CPEB3: variants seen among roughly 807,000 people sequenced by gnomAD.
CPEB3 encodes cytoplasmic polyadenylation element-binding protein 3.
CPEB3 carries 20 observed loss-of-function variants against 67.2 expected under a neutral mutation model. That is an observed-to-expected ratio of 0.30 (90% CI 0.21 to 0.43). The LOEUF (loss-of-function observed/expected upper bound fraction) is 0.43, where lower values mean the gene tolerates loss of function less well. CPEB3 is among the 20% of genes least tolerant of loss of function. CPEB3 has a pLI of 1.00. For missense variants in CPEB3, 746 were observed against 968.6 expected (o/e 0.77, Z 3.05); for synonymous variants, 376 against 393.1 (o/e 0.96, Z 0.51).
At chr10:92,081,619 T>A (rs543569174) in intron 8 of CPEB3, 118 bp from the exon 9 acceptor site, 2 of 888,418 alleles carry the variant, frequency 2.3e-6, no homozygotes, top group East Asian at 5.3e-5. Context: ...AAACCCATGT[T>A]AAGTATCATG....
chr10:92,156,426 A>C (rs1847211636), intron 4 of CPEB3, among the ~76,000 whole-genome samples: 1 of 152,192 alleles, frequency 6.6e-6, no homozygotes, highest in African/African-American at 2.4e-5. Flanking sequence ...AGAAAGATGA[A>C]GTTGTAGAAA....
At chr10:92,108,377 T>A (rs1181242771) in intron 7 of CPEB3, among the ~76,000 whole-genome samples, 1 of 152,116 alleles carries the variant, frequency 6.6e-6, no homozygotes, top group Non-Finnish European at 1.5e-5. Flanking sequence ...TTTCCCCTCA[T>A]GGGAGCATGC....
intron 3 of CPEB3, among the ~76,000 whole-genome samples, chr10:92,187,101 G>C (rs1046259411): frequency 6.6e-6 from 1 of 152,090 alleles, no homozygotes; most frequent in African/African-American, 2.4e-5. Context: ...CCGTAAGAGG[G>C]GACAAATTTT....
chr10:92,075,671 A>G (rs2133169032), intron 9 of CPEB3, among the ~76,000 whole-genome samples: 1 of 152,326 alleles, frequency 6.6e-6, no homozygotes, highest in South Asian at 2.1e-4. Context: ...ACAGGATAAC[A>G]AAGATAAATT....
chr10:92,195,220 A>G (rs1334262182), intron 2 of CPEB3, among the ~76,000 whole-genome samples: 2 of 152,222 alleles, frequency 1.3e-5, no homozygotes, highest in African/African-American at 4.8e-5. Flanking sequence ...GGTCTTGAGC[A>G]GTCTTTTCCA....
At chr10:92,153,027 C>T (rs369806672) in intron 4 of CPEB3, among the ~76,000 whole-genome samples, 21 of 152,322 alleles carry the variant, frequency 1.4e-4, no homozygotes, top group African/African-American at 5.1e-4. Flanking sequence ...CTTCCCCTCA[C>T]TATCATCTGT....
intron 2 of CPEB3, among the ~76,000 whole-genome samples, chr10:92,231,401 C>T (rs1338097577): frequency 6.6e-6 from 1 of 152,162 alleles, no homozygotes; most frequent in Non-Finnish European, 1.5e-5. Context: ...AACAGTATTC[C>T]TCTAACAGTA....
At chr10:92,134,652 G>A (rs986105356) in intron 6 of CPEB3, among the ~76,000 whole-genome samples, 5 of 151,772 alleles carry the variant, frequency 3.3e-5, no homozygotes, top group African/African-American at 1.2e-4. Context: ...TCACAGAATT[G>A]GAAAAAACTA....
chr10:92,107,634 A>C (rs1844537467), intron 7 of CPEB3, among the ~76,000 whole-genome samples: 2 of 152,132 alleles, frequency 1.3e-5, no homozygotes, highest in African/African-American at 2.4e-5. Context: ...TGCCTGCTTC[A>C]CTGGAACCCT....
chr10:92,250,935 T>C (rs537749896), intron 1 of CPEB3, among the ~76,000 whole-genome samples: 6 of 150,870 alleles, frequency 4.0e-5, no homozygotes, highest in African/African-American at 1.5e-4. Flanking sequence ...AAACTTTCGT[T>C]GCCCAGGCTG....
At position 92,129,244 on chromosome 10, in the gene CPEB3, C is replaced by A. The variant is rs56017869; in HGVS notation, c.1453+13785G>T. The stretch of plus-strand genomic sequence containing the variant: ...CCTTAGCAAAGTAGTGAACAGAAAA[C>A]CAAATACCACATGTTCTCACTTATA... On this transcript the variant is annotated intron_variant, in intron 6 of 9. Transcript: ENST00000265997. Among the ~76,000 whole-genome samples, 426 of 152,242 alleles carry A rather than the reference C, an allele frequency of 2.8e-3. 1 individual carries two copies. The highest frequency in any genetic ancestry group is 9.7e-3 in the African/African-American group (403 of 41,538).
intron 4 of CPEB3, among the ~76,000 whole-genome samples, chr10:92,171,192 C>G (rs1847983389): frequency 6.6e-6 from 1 of 151,790 alleles, no homozygotes; most frequent in African/African-American, 2.4e-5. Flanking sequence ...GGAAGGGCTG[C>G]AGTAGCATGG....
At chr10:92,092,388 C>A (rs907467385) in intron 7 of CPEB3, among the ~76,000 whole-genome samples, 1 of 152,074 alleles carries the variant, frequency 6.6e-6, no homozygotes, top group Non-Finnish European at 1.5e-5. Flanking sequence ...TTCTCATCAC[C>A]CTCCAAAATT....
chr10:92,130,465 T>C (rs1424425100), intron 6 of CPEB3, among the ~76,000 whole-genome samples: 1 of 152,114 alleles, frequency 6.6e-6, no homozygotes, highest in Non-Finnish European at 1.5e-5. Context: ...AGGGCAACCA[T>C]TTCCTTACTT....
intron 1 of CPEB3, among the ~76,000 whole-genome samples, chr10:92,288,614 T>G (rs1842650333): frequency 6.6e-6 from 1 of 152,226 alleles, no homozygotes; most frequent in Non-Finnish European, 1.5e-5. Flanking sequence ...TTTTTCTACT[T>G]TAAAAGGTTT....
intron 2 of CPEB3, among the ~76,000 whole-genome samples, chr10:92,231,677 C>A (rs1359799146): frequency 6.6e-6 from 1 of 152,130 alleles, no homozygotes; most frequent in East Asian, 1.9e-4. Context: ...CCATCTAATT[C>A]TCTTTCCTCA....
intron 6 of CPEB3, among the ~76,000 whole-genome samples, chr10:92,122,107 T>A (rs1483898240): frequency 6.6e-6 from 1 of 151,892 alleles, no homozygotes; most frequent in Non-Finnish European, 1.5e-5. Context: ...CCAGAAAAAA[T>A]CAGACTGTCA....
At chr10:92,147,281 C>T (rs1289928026) in intron 4 of CPEB3, among the ~76,000 whole-genome samples, 1 of 152,044 alleles carries the variant, frequency 6.6e-6, no homozygotes, top group African/African-American at 2.4e-5. Flanking sequence ...CATGGTGAAA[C>T]TCTGTCTCTA....
At chr10:92,092,410 T>C (rs1023234284) in intron 7 of CPEB3, among the ~76,000 whole-genome samples, 5 of 152,186 alleles carry the variant, frequency 3.3e-5, no homozygotes, top group Non-Finnish European at 7.3e-5. Context: ...AAACATATCT[T>C]TCAGCAATAT....
Sources: gnomAD v4.1 joint callset for allele counts (sites outside exome capture counted in the v4.1 genomes callset) on GRCh38, gnomAD v4.1.1 for gene constraint, MANE v1.5 for transcripts, NCBI Gene and HGNC (gene_info 2026-07-23, HGNC 2026-07-21) for gene names.